Variants in SOS1 observed in about 807,000 individuals in gnomAD.
SOS1 encodes SOS Ras/Rac guanine nucleotide exchange factor 1, also known as son of sevenless homolog 1.
A neutral mutation model predicts 157.6 loss-of-function variants in SOS1; 25 were observed. The observed-to-expected ratio is 0.16, with a 90% confidence interval of 0.12 to 0.22. The LOEUF (loss-of-function observed/expected upper bound fraction) is 0.22, where lower values mean the gene tolerates loss of function less well. Ranked by LOEUF, SOS1 falls within the 10% of genes least tolerant of loss-of-function variation. The pLI, the probability that SOS1 is intolerant of heterozygous loss-of-function variation, is 1.00. For missense variants in SOS1, 1,237 were observed against 1,599.1 expected (o/e 0.77, Z 3.86); for synonymous variants, 528 against 534.0 (o/e 0.99, Z 0.16).
intron 6 of SOS1, among the ~76,000 whole-genome samples, chr2:39,042,916 G>C (rs1414191400): frequency 2.6e-5 from 4 of 151,876 alleles, no homozygotes; most frequent in East Asian, 1.9e-4. Context: ...TTGCCAACTA[G>C]TTTAATATTA....
intron 1 of SOS1, among the ~76,000 whole-genome samples, chr2:39,105,040 A>G (rs950306182): frequency 1.3e-5 from 2 of 152,214 alleles, no homozygotes; most frequent in African/African-American, 4.8e-5. Context: ...AAAAAAAATC[A>G]AAGAAAAAGT....
chr2:39,090,513 T>C (rs1013877671), intron 1 of SOS1, among the ~76,000 whole-genome samples: 12 of 151,842 alleles, frequency 7.9e-5, no homozygotes, highest in Non-Finnish European at 1.5e-4. Context: ...CTGGCCAACA[T>C]GGCAAAACCC....
chr2:38,986,012 G>A lies in SOS1; in HGVS notation c.3814C>T (p.His1272Tyr), dbSNP rs2124454677. The A allele has an allele frequency of 6.2e-7, 1 of 1,613,986 alleles. No homozygotes were observed. Among genetic ancestry groups the A allele is most frequent in the South Asian group, 1.1e-5 (1 of 91,084 alleles). The change falls in exon 23 of 23, where the codon CAT (histidine) becomes TAT (tyrosine). Residue 1272 changes from histidine (H) to tyrosine (Y), a missense_variant. His to Tyr is a moderately conservative substitution (Grantham distance 83). Coordinates refer to ENST00000402219, the MANE Select transcript of SOS1 (RefSeq NM_005633.4). ...TGTGTCAATGGTGGTGATGGCAGAT[G>A]CCTTCTTGTGCCGTGAGGAGAAGGT... ...QTPSPHGTRR[H>Y]LPSPPLTQEV...
In SOS1 at chr2:39,035,406, G is replaced by C; in HGVS notation, c.959C>G (p.Ala320Gly). The change falls in exon 7 of 23, where the codon GCA (alanine) becomes GGA (glycine). Residue 320 changes from alanine to glycine, a missense_variant. Ala to Gly is a moderately conservative substitution (Grantham distance 60). Coordinates refer to ENST00000402219, the MANE Select transcript of SOS1 (RefSeq NM_005633.4). The part of the protein sequence containing the change: ...RFLSQLSKPG[A>G]ALYLQSIGEG... Reference sequence around the variant, plus strand: ...TTACTATACCTGCAAATAAAGTGCTGCCCCAGGCTTTGATAACTGACTAAG... The same window carrying C: ...TTACTATACCTGCAAATAAAGTGCTCCCCCAGGCTTTGATAACTGACTAAG... 2 of 1,612,348 alleles carry C rather than the reference G, an allele frequency of 1.2e-6. No homozygotes were observed. Among genetic ancestry groups the C allele is most frequent in the Non-Finnish European group, 8.5e-7 (1 of 1,178,566 alleles).
chr2:39,090,725 A>G (rs1338415845), intron 1 of SOS1, among the ~76,000 whole-genome samples: 3 of 152,096 alleles, frequency 2.0e-5, no homozygotes, highest in Non-Finnish European at 2.9e-5. Context: ...ACAAACAAAC[A>G]AAAACTTTAG....
At chr2:39,069,390 T>G (rs1220808922) in intron 1 of SOS1, among the ~76,000 whole-genome samples, 1 of 151,330 alleles carries the variant, frequency 6.6e-6, no homozygotes, top group Non-Finnish European at 1.5e-5. Context: ...AAAACAACAA[T>G]AAAAGATAGT....
chr2:39,027,118 A>T (rs1669988836), intron 8 of SOS1, among the ~76,000 whole-genome samples: 1 of 152,204 alleles, frequency 6.6e-6, no homozygotes, highest in Non-Finnish European at 1.5e-5. Flanking sequence ...TGAGCATTTG[A>T]TATTTTGTCC....
intron 6 of SOS1, among the ~76,000 whole-genome samples, chr2:39,050,508 C>T (rs1199747809): frequency 6.6e-6 from 1 of 152,112 alleles, no homozygotes; most frequent in Non-Finnish European, 1.5e-5. Context: ...TTGAGTATCT[C>T]TTACCCAAAA....
intron 22 of SOS1, among the ~76,000 whole-genome samples, 187 bp downstream of exon 22, chr2:38,987,286 C>G (rs1668585587): frequency 6.6e-6 from 1 of 151,976 alleles, no homozygotes; most frequent in Admixed American, 6.6e-5. Context: ...GAATGCATAC[C>G]AAAAAACTAC....
rs140589484 is a variant in SOS1 at position 39,035,086 on chromosome 2, G to A, written c.1074+126C>T. The A allele has an allele frequency of 1.2e-3, 800 of 693,896 alleles. 6 individuals carry two copies. The African/African-American group carries it at 0.013, about 11-fold the overall frequency. 43.0% of individuals were successfully genotyped at this position (693,896 alleles called of 1,614,324 possible). ...GCAGACTGATTTCCATTTGCTTCTTGACTGGAAAAAGAAAACAGAAACACA... is the reference window on the plus strand; with the variant it reads ...GCAGACTGATTTCCATTTGCTTCTTAACTGGAAAAAGAAAACAGAAACACA... On this transcript the variant is annotated intron_variant, in intron 8 of 22. Coordinates refer to ENST00000402219, the MANE Select transcript of SOS1 (RefSeq NM_005633.4).
At chr2:39,009,542 A>G (rs1344015987) in intron 15 of SOS1, among the ~76,000 whole-genome samples, 2 of 152,228 alleles carry the variant, frequency 1.3e-5, no homozygotes, top group African/African-American at 4.8e-5. Context: ...GTATAAAATA[A>G]TATAAACATT....
chr2:39,003,448 T>C (rs1572812918), intron 17 of SOS1, among the ~76,000 whole-genome samples: 1 of 152,302 alleles, frequency 6.6e-6, no homozygotes, highest in Middle Eastern at 3.4e-3. Context: ...AAAGCTTTGT[T>C]TGGGAAGTTA....
intron 15 of SOS1, among the ~76,000 whole-genome samples, chr2:39,008,669 A>G (rs930864250): frequency 3.3e-5 from 5 of 152,208 alleles, no homozygotes; most frequent in Non-Finnish European, 7.3e-5. Flanking sequence ...AGGAGCCACA[A>G]TTTGATTGCA....
chr2:39,070,705 A>AT (rs958254810), intron 1 of SOS1, among the ~76,000 whole-genome samples: 4 of 152,202 alleles, frequency 2.6e-5, no homozygotes, highest in African/African-American at 9.6e-5. Flanking sequence ...ACTGCTCCTG[A>AT]TTTCACTTAG....
In SOS1 at chr2:38,989,295, G is replaced by A; in HGVS notation, c.3366C>T (p.Ile1122=). The A allele has an allele frequency of 6.2e-7, 1 of 1,606,790 alleles. No individual in the cohort carries two copies. The highest frequency in any genetic ancestry group is 1.3e-5 in the African/African-American group (1 of 74,868). Residue 1122 remains isoleucine (I), a synonymous_variant, in exon 21 of 23, where the codon ATC becomes ATT. Transcript: ENST00000402219. ...TTGGGCCATGGGGCAGAGTAACTTG[G>A]ATAAAGACGGTATCATTGCCTGTGA... is the stretch of plus-strand genomic sequence containing the variant. ...PFHSSNDTVF[I]QVTLPHGPRS... is the part of the protein sequence containing the mutation.
At chr2:39,100,489 G>T (rs1436467894) in intron 1 of SOS1, among the ~76,000 whole-genome samples, 1 of 152,130 alleles carries the variant, frequency 6.6e-6, no homozygotes, top group African/African-American at 2.4e-5. Context: ...TAAAAAATGA[G>T]ATACTGCCAT....
intron 3 of SOS1, among the ~76,000 whole-genome samples, chr2:39,058,187 C>G (rs1671277083): frequency 6.6e-6 from 1 of 151,922 alleles, no homozygotes; most frequent in Non-Finnish European, 1.5e-5. Context: ...TCTATTAGTT[C>G]TATAGAGATT....
chr2:39,090,611 G>C (rs1284294185), intron 1 of SOS1, among the ~76,000 whole-genome samples: 1 of 152,060 alleles, frequency 6.6e-6, no homozygotes. Flanking sequence ...CAGGAGAATT[G>C]CTTGAACCTG....
chr2:39,123,285 T>C (rs1056138586), upstream of SOS1, among the ~76,000 whole-genome samples: 1 of 152,182 alleles, frequency 6.6e-6, no homozygotes, highest in African/African-American at 2.4e-5. Flanking sequence ...ATCAGTCCTC[T>C]ATTTTTGGTT....
Sources: allele counts gnomAD v4.1 joint callset (sites outside exome capture counted in the v4.1 genomes callset), GRCh38; gene constraint gnomAD v4.1.1; transcripts MANE v1.5; gene names NCBI Gene and HGNC (gene_info 2026-07-23, HGNC 2026-07-21).